The following SEMA6D variants were observed in gnomAD, a reference collection of about 807,000 sequenced individuals.
SEMA6D encodes the protein semaphorin-6D.
A neutral mutation model predicts 106.6 loss-of-function variants in SEMA6D; 35 were observed. The observed-to-expected ratio is 0.33, with a 90% CI of 0.25 to 0.44. The LOEUF is 0.44. SEMA6D is among the 20% of genes least tolerant of loss of function. SEMA6D has a pLI of 1.00. For synonymous variants in SEMA6D, 499 were observed against 487.7 expected, an observed-to-expected ratio of 1.02 and a Z score of -0.31; for missense variants, 1,185 against 1,345.9, an observed-to-expected ratio of 0.88 and a Z score of 1.87.
chr15:47,659,954 T>C (rs2077883935), intron 4 of SEMA6D, among the ~76,000 whole-genome samples: 1 of 152,076 alleles, frequency 6.6e-6, no homozygotes, highest in Admixed American at 6.5e-5. Context: ...GTGATACATA[T>C]TAACTTTGAT....
At chr15:47,426,615 G>T (rs185322239) in intron 2 of SEMA6D, among the ~76,000 whole-genome samples, 166 of 152,206 alleles carry the variant, frequency 1.1e-3, no homozygotes, top group African/African-American at 3.9e-3. Flanking sequence ...TTTGAAGATA[G>T]ATTTTGGTCT....
chr15:47,309,800 ATC>A (rs2036375053), intron 1 of SEMA6D, among the ~76,000 whole-genome samples: 1 of 152,212 alleles, frequency 6.6e-6, no homozygotes, highest in Admixed American at 6.5e-5. Flanking sequence ...AGCGTTGAAT[ATC>A]TCATGTAATT....
At chr15:47,763,167 T>C (rs2082154175) in intron 9 of SEMA6D, 63 bp downstream of exon 9, 2 of 1,295,820 alleles carry the variant, frequency 1.5e-6, no homozygotes, top group South Asian at 1.3e-5. Context: ...ACCACTGTGA[T>C]AGAGTTAAGG....
At chr15:47,377,618 A>G (rs2039493970) in intron 1 of SEMA6D, among the ~76,000 whole-genome samples, 1 of 152,214 alleles carries the variant, frequency 6.6e-6, no homozygotes, top group Non-Finnish European at 1.5e-5. Context: ...TTGTCAGTAG[A>G]TGTTCTACCA....
At chr15:47,284,799 T>G (rs2035286346) in intron 1 of SEMA6D, among the ~76,000 whole-genome samples, 1 of 152,208 alleles carries the variant, frequency 6.6e-6, no homozygotes, top group Non-Finnish European at 1.5e-5. Context: ...TTCTGTGCTT[T>G]AGAACTTTGC....
At chr15:47,391,903 A>C (rs530843120) in intron 1 of SEMA6D, among the ~76,000 whole-genome samples, 74 of 152,120 alleles carry the variant, frequency 4.9e-4, no homozygotes, top group African/African-American at 1.3e-3. Context: ...TTCCCTCAAT[A>C]TCTCTCTCTT....
At chr15:47,227,526 T>TTCCTCTTTC (rs1250317562) in intron 1 of SEMA6D, among the ~76,000 whole-genome samples, 5 of 146,804 alleles carry the variant, frequency 3.4e-5, no homozygotes, top group African/African-American at 1.2e-4. Context: ...TTTTTCTTTC[T>TTCCTCTTTC]TCCTCTTTCT....
chr15:47,413,311 G>T (rs1371202692), intron 2 of SEMA6D, among the ~76,000 whole-genome samples: 1 of 152,022 alleles, frequency 6.6e-6, no homozygotes, highest in Admixed American at 6.6e-5. Flanking sequence ...AGTCAAACAA[G>T]ATCATCTAGG....
intron 1 of SEMA6D, among the ~76,000 whole-genome samples, chr15:47,386,807 T>C (rs181273678): frequency 1.1e-3 from 172 of 152,322 alleles, no homozygotes; most frequent in African/African-American, 4.0e-3. Context: ...GCACAGGGGC[T>C]AGAATGGGTT....
In SEMA6D at chr15:47,770,645, C is replaced by A; in HGVS notation, c.2082C>A (p.Asn694Lys). 1 of 1,614,006 alleles carries A rather than the reference C, an allele frequency of 6.2e-7. No homozygotes were observed. The highest frequency in any genetic ancestry group is 8.5e-7 in the Non-Finnish European group (1 of 1,179,952). The change falls in exon 19 of 19, where the codon AAC (asparagine) becomes AAA (lysine). Residue 694 changes from asparagine to lysine, a missense_variant. Asn to Lys is a moderately conservative substitution (Grantham distance 94, BLOSUM62 0). This residue lies in a region of SEMA6D where 750 missense variants were observed against 783.5 expected (regional missense o/e 0.96). Transcript: ENST00000536845. ...ATCGAGACATGTTTGTTCGGAAAAA[C>A]AGAAAGATCCATAAAGATGCAGAGT... ...YCYRDMFVRK[N>K]RKIHKDAESA...
chr15:47,411,768 C>T (rs1202032374), intron 1 of SEMA6D, among the ~76,000 whole-genome samples: 1 of 152,118 alleles, frequency 6.6e-6, no homozygotes, highest in Non-Finnish European at 1.5e-5. Flanking sequence ...TCTTCTGTGT[C>T]TGTGTGGCCA....
At chr15:47,541,288 A>C (rs1374346536) in intron 3 of SEMA6D, among the ~76,000 whole-genome samples, 1 of 152,250 alleles carries the variant, frequency 6.6e-6, no homozygotes, top group African/African-American at 2.4e-5. Context: ...TAAAAAATCA[A>C]CACTGTAATT....
intron 3 of SEMA6D, among the ~76,000 whole-genome samples, chr15:47,510,921 T>C (rs192818473): frequency 3.7e-4 from 56 of 152,344 alleles, no homozygotes; most frequent in African/African-American, 1.1e-3. Context: ...AAATACTTTA[T>C]TTTTATGACT....
intron 3 of SEMA6D, among the ~76,000 whole-genome samples, chr15:47,504,632 A>T (rs77481098): frequency 0.023 from 3,571 of 152,260 alleles, 142 homozygotes; most frequent in African/African-American, 0.082. Flanking sequence ...AGAGAATGTC[A>T]TATGTCTTTG....
chr15:47,332,199 AG>A (rs2037368661), intron 1 of SEMA6D, among the ~76,000 whole-genome samples: 2 of 152,228 alleles, frequency 1.3e-5, no homozygotes, highest in African/African-American at 4.8e-5. Context: ...AGCATGCGGC[AG>A]TGCCAACAAA....
chr15:47,461,739 A>G (rs2042518360), intron 2 of SEMA6D, among the ~76,000 whole-genome samples: 1 of 152,104 alleles, frequency 6.6e-6, no homozygotes, highest in East Asian at 1.9e-4. Context: ...AATTTATTTA[A>G]GAGGGATGAG....
intron 1 of SEMA6D, among the ~76,000 whole-genome samples, chr15:47,375,766 TAATA>T (rs1291648800): frequency 5.3e-5 from 8 of 152,244 alleles, no homozygotes; most frequent in Admixed American, 1.3e-4. Flanking sequence ...TTTATTCCAC[TAATA>T]AATTGTGTAG....
At chr15:47,600,809 T>C (rs1285617098) in intron 3 of SEMA6D, 2 of 152,188 alleles carry the variant, frequency 1.3e-5, no homozygotes, top group Non-Finnish European at 2.9e-5. Flanking sequence ...ATTGTGGTTT[T>C]AAAGGTCAGA....
At position 47,535,281 on chromosome 15, in the gene SEMA6D, A is replaced by G. The variant is rs1305602993; in HGVS notation, c.-87+64736A>G. Among the ~76,000 whole-genome samples, 5 of 152,082 alleles carry G rather than the reference A, an allele frequency of 3.3e-5. No individual in the cohort carries two copies. In the East Asian group the frequency reaches 9.6e-4, roughly 29 times the overall value. On this transcript the variant is annotated intron_variant, in intron 3 of 19. Coordinates refer to the SEMA6D transcript ENST00000558014. ...ACATGTGTTACTTGTTAAATTCCAA[A>G]CCCTATGAGGTAGATACAGGTGTTC...
Sources: gnomAD v4.1 joint callset for allele counts (sites outside exome capture counted in the v4.1 genomes callset) on GRCh38, gnomAD v4.1.1 for gene constraint, gnomAD v4.1.1 regional missense constraint, MANE v1.5 for transcripts, NCBI Gene and HGNC (gene_info 2026-07-23, HGNC 2026-07-21) for gene names.